Variants in ADAMTS17 observed in about 807,000 individuals in gnomAD.
The protein encoded by ADAMTS17 is A disintegrin and metalloproteinase with thrombospondin motifs 17.
A neutral mutation model predicts 141.5 loss-of-function variants in ADAMTS17; 113 were observed. The observed-to-expected ratio is 0.80, with a 90% CI of 0.69 to 0.93. ADAMTS17 has a LOEUF of 0.93. Among genes scored for constraint, ADAMTS17 ranks in the 40% least tolerant of loss-of-function variants. The probability of loss-of-function intolerance (pLI) is 0.00; values close to 1 mark genes in which losing one functional copy is unlikely to be tolerated. For missense variants in ADAMTS17, 1,659 were observed against 1,517.9 expected, an observed-to-expected ratio of 1.09 and a Z score of -1.54; for synonymous variants, 768 against 630.6, an observed-to-expected ratio of 1.22 and a Z score of -3.27.
At chr15:100,216,916 T>C (rs1411465989) in intron 7 of ADAMTS17, among the ~76,000 whole-genome samples, 1 of 152,242 alleles carries the variant, frequency 6.6e-6, no homozygotes, top group African/African-American at 2.4e-5. Context: ...TCACATGTTC[T>C]TCTGTTTTGT....
At chr15:100,263,760 A>G (rs1436942595) in intron 4 of ADAMTS17, among the ~76,000 whole-genome samples, 1 of 152,254 alleles carries the variant, frequency 6.6e-6, no homozygotes, top group Admixed American at 6.5e-5. Context: ...TAAATATTCT[A>G]CTTGGTTTTT....
intron 10 of ADAMTS17, among the ~76,000 whole-genome samples, chr15:100,141,654 C>A (rs2141290183): frequency 6.6e-6 from 1 of 152,292 alleles, no homozygotes; most frequent in South Asian, 2.1e-4. Flanking sequence ...AGACCGTCAC[C>A]TGGCTGGGGT....
At chr15:100,102,227 A>C (rs1055863982) in intron 14 of ADAMTS17, among the ~76,000 whole-genome samples, 5 of 152,180 alleles carry the variant, frequency 3.3e-5, no homozygotes, top group African/African-American at 1.2e-4. Context: ...TTCAAATAGC[A>C]GATGATGTCT....
intron 15 of ADAMTS17, among the ~76,000 whole-genome samples, chr15:100,071,877 T>C (rs1248341791): frequency 6.7e-6 from 1 of 150,228 alleles, no homozygotes; most frequent in Non-Finnish European, 1.5e-5. Context: ...GCCACTCCTA[T>C]TCAACATAGT....
chr15:100,304,273 CTGTCT>C, intron 3 of ADAMTS17, among the ~76,000 whole-genome samples: 1 of 152,332 alleles, frequency 6.6e-6, no homozygotes, highest in East Asian at 1.9e-4. Context: ...CCTGGCTCCA[CTGTCT>C]TCTGGGACCC....
intron 15 of ADAMTS17, among the ~76,000 whole-genome samples, chr15:100,090,534 G>C (rs1240094669): frequency 6.6e-6 from 1 of 152,162 alleles, no homozygotes; most frequent in Non-Finnish European, 1.5e-5. Context: ...GGATGCATCA[G>C]TGAAAAGACA....
intron 8 of ADAMTS17, among the ~76,000 whole-genome samples, chr15:100,157,038 A>C (rs1421465349): frequency 6.6e-6 from 1 of 152,244 alleles, no homozygotes; most frequent in Non-Finnish European, 1.5e-5. Flanking sequence ...GTGAAGGGGA[A>C]GCAAAGACCT....
At position 100,063,134 on chromosome 15, in the gene ADAMTS17, G is replaced by A. The variant is rs1351769801; in HGVS notation, c.2138-9080C>T. On this transcript the variant is annotated intron_variant, in intron 15 of 21. Coordinates refer to ENST00000268070, the MANE Select transcript of ADAMTS17 (RefSeq NM_139057.4). Reference sequence around the variant, plus strand: ...AGTCCAGAATAGAACCCAAGTCTACGGAAAGATGCAGGTGTTTGTGCTTGA... The same window carrying A: ...AGTCCAGAATAGAACCCAAGTCTACAGAAAGATGCAGGTGTTTGTGCTTGA... Among the ~76,000 whole-genome samples the A allele has an allele frequency of 3.3e-5, 5 of 152,216 alleles. No homozygotes were observed. The East Asian group carries it at 5.8e-4, about 18-fold the overall frequency.
intron 7 of ADAMTS17, among the ~76,000 whole-genome samples, chr15:100,226,623 G>C (rs963628174): frequency 1.3e-5 from 2 of 152,228 alleles, no homozygotes; most frequent in Non-Finnish European, 2.9e-5. Flanking sequence ...ATCTGGGCTT[G>C]ATATGCCTGG....
chr15:100,120,485 G>A (rs528730325), intron 12 of ADAMTS17, among the ~76,000 whole-genome samples: 2 of 152,286 alleles, frequency 1.3e-5, no homozygotes, highest in Admixed American at 6.5e-5. Flanking sequence ...GAAGATGGCT[G>A]ACATTGCTGT....
At position 100,331,012 on chromosome 15, in the gene ADAMTS17, G is replaced by T. The variant is rs747449754; in HGVS notation, c.493C>A (p.Pro165Thr). The T allele has an allele frequency of 2.5e-6, 4 of 1,614,174 alleles. No individual in the cohort carries two copies. The Admixed American group carries it at 6.7e-5, about 27-fold the overall frequency. Residue 165 changes from proline to threonine, a missense_variant, in exon 3 of 22, where the codon CCC becomes ACC. Pro to Thr is a conservative substitution (Grantham distance 38). Transcript: ENST00000268070. Reference protein sequence around the residue: ...QLGQEQVLIQPLNNSQGPFSG... With the variant: ...QLGQEQVLIQTLNNSQGPFSG... Reference sequence around the variant, plus strand: ...AATGGGCCCTGGGAGTTGTTGAGGGGCTGGATTAGCACCTGCTCCTGCCCA... The same window carrying T: ...AATGGGCCCTGGGAGTTGTTGAGGGTCTGGATTAGCACCTGCTCCTGCCCA...
intron 7 of ADAMTS17, among the ~76,000 whole-genome samples, chr15:100,235,866 C>G (rs1016405475): frequency 6.6e-6 from 1 of 152,152 alleles, no homozygotes; most frequent in African/African-American, 2.4e-5. Context: ...AACATGAGGA[C>G]AAGTAAATTG....
At chr15:100,057,854 T>C (rs950243470) in intron 15 of ADAMTS17, among the ~76,000 whole-genome samples, 2 of 152,046 alleles carry the variant, frequency 1.3e-5, no homozygotes, top group Admixed American at 6.5e-5. Flanking sequence ...AGAAACCGTT[T>C]CTCCTGTGAC....
chr15:100,052,605 C>T (rs988282722), intron 16 of ADAMTS17, among the ~76,000 whole-genome samples: 1 of 152,182 alleles, frequency 6.6e-6, no homozygotes, highest in African/African-American at 2.4e-5. Context: ...AGCAAATTCT[C>T]ATGCTAACAG....
At chr15:100,314,172 C>A (rs2045489955) in intron 3 of ADAMTS17, among the ~76,000 whole-genome samples, 1 of 152,176 alleles carries the variant, frequency 6.6e-6, no homozygotes, top group Admixed American at 6.5e-5. Flanking sequence ...TCAGGAAAGA[C>A]AAATACAAAG....
chr15:100,051,459 C>T (rs1389838972), intron 17 of ADAMTS17, 113 bp downstream of exon 17: 3 of 1,472,264 alleles, frequency 2.0e-6, no homozygotes, highest in Non-Finnish European at 2.8e-6. Flanking sequence ...GGTTAAATTC[C>T]CATGGAGCTA....
chr15:100,317,571 C>T (rs931170197), intron 3 of ADAMTS17, among the ~76,000 whole-genome samples: 1 of 152,180 alleles, frequency 6.6e-6, no homozygotes, highest in Non-Finnish European at 1.5e-5. Flanking sequence ...AGAAATGCCA[C>T]AGGGCTGTGC....
At chr15:100,275,172 G>C (rs1036566298) in intron 4 of ADAMTS17, among the ~76,000 whole-genome samples, 1 of 152,336 alleles carries the variant, frequency 6.6e-6, no homozygotes, top group African/African-American at 2.4e-5. Flanking sequence ...CACAAGGCAC[G>C]TAAGCAGAGC....
chr15:100,324,132 C>G (rs1397668435), intron 3 of ADAMTS17, among the ~76,000 whole-genome samples: 1 of 152,040 alleles, frequency 6.6e-6, no homozygotes, highest in African/African-American at 2.4e-5. Flanking sequence ...TGGCGAAACC[C>G]CATCTCTACT....
Sources: allele counts gnomAD v4.1 joint callset (sites outside exome capture counted in the v4.1 genomes callset), GRCh38; gene constraint gnomAD v4.1.1; transcripts MANE v1.5; gene names NCBI Gene and HGNC (gene_info 2026-07-23, HGNC 2026-07-21).